Variants in ZBTB25 observed in about 807,000 individuals in gnomAD.
ZBTB25 encodes zinc finger and BTB domain-containing protein 25.
Under a neutral mutation model 34.2 loss-of-function variants are expected in ZBTB25, and 20 were observed. The ratio of observed to expected loss-of-function variants is 0.58; its 90% CI spans 0.41 to 0.85. The LOEUF is 0.85. Among genes scored for constraint, ZBTB25 ranks in the 40% least tolerant of loss-of-function variants. ZBTB25 has a pLI of 0.00. For synonymous variants in ZBTB25, 175 were observed against 186.4 expected, an observed-to-expected ratio of 0.94 and a Z score of 0.50; for missense variants, 437 against 521.8, an observed-to-expected ratio of 0.84 and a Z score of 1.58.
intron 2 of ZBTB25, among the ~76,000 whole-genome samples, chr14:64,464,880 G>A (rs1326958978): frequency 2.6e-5 from 4 of 152,216 alleles, no homozygotes; most frequent in African/African-American, 9.6e-5. Context: ...GCAGGCCAAA[G>A]TTCTGCACCA....
chr14:64,496,439 C>T lies in ZBTB25; in HGVS notation c.-7-5899G>A, dbSNP rs536062923. ...CTGGGAGGAAGAGGTTGCAGTGAGCCGAGATCACACCACTGCATTCCAGCC... is the reference window on the plus strand; with the variant it reads ...CTGGGAGGAAGAGGTTGCAGTGAGCTGAGATCACACCACTGCATTCCAGCC... On this transcript the variant is annotated intron_variant, in intron 1 of 2. Transcript: ENST00000608382. 8.4e-4 allele frequency among the ~76,000 whole-genome samples: 128 copies of T among 151,696 alleles called. 2 individuals are homozygous for T. The South Asian group carries it at 0.022, about 26-fold the overall frequency.
chr14:64,503,004 G>C, intron 1 of ZBTB25: 1 of 985,448 alleles, frequency 1.0e-6, no homozygotes, highest in Non-Finnish European at 1.2e-6. Flanking sequence ...GCTAACTGTT[G>C]AAACATGCTA....
intron 2 of ZBTB25, among the ~76,000 whole-genome samples, chr14:64,455,743 G>T (rs1037171271): frequency 6.6e-6 from 1 of 152,194 alleles, no homozygotes; most frequent in Non-Finnish European, 1.5e-5. Flanking sequence ...AGTTGAAAAC[G>T]TAGGACATTA....
At position 64,459,711 on chromosome 14, in the gene ZBTB25, T is replaced by A. The variant is rs1481944134; in HGVS notation, c.174-10073A>T. 3 of 1,304,694 alleles carry A rather than the reference T, an allele frequency of 2.3e-6. No individual in the cohort carries two copies. In the Admixed American group the frequency reaches 9.3e-5, roughly 40 times the overall value. 80.8% of individuals were successfully genotyped at this position (1,304,694 alleles called of 1,614,324 possible). Reference sequence around the variant, plus strand: ...GCAGTATGGAAGGAACAGGAAACATTTCAGTGCTTGCTTAGAGAAAACATT... The same window carrying A: ...GCAGTATGGAAGGAACAGGAAACATATCAGTGCTTGCTTAGAGAAAACATT... On this transcript the variant is annotated intron_variant, in intron 2 of 2. Coordinates refer to the ZBTB25 transcript ENST00000555220.
Position 64,478,559 on chromosome 14 carries a change from A to C in ZBTB25, c.*8364T>G, listed in dbSNP as rs548966586. 2.6e-5 allele frequency: 4 copies of C among 152,344 alleles called. No individual in the cohort carries two copies. In the East Asian group the frequency reaches 7.7e-4, roughly 29 times the overall value. 9.4% of individuals were successfully genotyped at this position (152,344 alleles called of 1,614,324 possible). On this transcript the variant is annotated 3_prime_UTR_variant, in exon 3 of 3. Coordinates refer to ENST00000608382, the MANE Select transcript of ZBTB25 (RefSeq NM_006977.5). ...AAACTGAGTGTGATGCCTGATTAAA[A>C]GAGCCCAAATTCCAAGGCCTCACAG...
rs778004334 is a variant in ZBTB25 at position 64,490,482 on chromosome 14, G to A, written c.52C>T (p.Arg18Ter). The change falls in exon 2 of 3, where the codon CGA (arginine) becomes TGA (stop). Residue 18 changes from arginine to a stop codon, truncating the protein, a stop_gained. Transcript: ENST00000608382. LOFTEE classifies it high-confidence loss of function. ...CAATCACACAGAAAACCAAATTCTC[G>A]CTGCATGTTCAGCTGCTGGAGAAGA... ...LVLLQQLNMQREFGFLCDCTV... is the reference protein window; with the variant it reads ...LVLLQQLNMQ 39 of 1,613,414 alleles carry A rather than the reference G, an allele frequency of 2.4e-5. No homozygotes were observed. Among genetic ancestry groups the A allele is most frequent in the Non-Finnish European group, 2.9e-5 (34 of 1,179,698 alleles).
chr14:64,449,444 G>T lies in ZBTB25; in HGVS notation c.*107C>A. On this transcript the variant is annotated 3_prime_UTR_variant, in exon 3 of 3. Transcript: ENST00000555220. ...TTTGATATGAAATGCTTCCTTTATAGGACGGATACAGAGTCTGAGCTGGAC... is the reference window on the plus strand; with the variant it reads ...TTTGATATGAAATGCTTCCTTTATATGACGGATACAGAGTCTGAGCTGGAC... 1 of 1,613,014 alleles carries T rather than the reference G, an allele frequency of 6.2e-7. No individual in the cohort carries two copies. Among genetic ancestry groups the T allele is most frequent in the African/African-American group, 1.3e-5 (1 of 75,006 alleles).
chr14:64,503,273 A>C lies in ZBTB25; in HGVS notation c.-8+388T>G, dbSNP rs370989385. 1,642 of 985,434 alleles carry C rather than the reference A, an allele frequency of 1.7e-3. 26 individuals carry two copies. The African/African-American group carries it at 0.026, about 15-fold the overall frequency. The allele number at this position is 985,434 out of a possible 1,614,324, so 61.0% of individuals were successfully genotyped here. A position where few individuals can be genotyped will look rare whatever the true frequency, so the allele number is the denominator to read the frequency against. ...GCCGCAGCGTCCTCCCAGCATCTGG[A>C]AAGTCGCCCGCTCGTAAGAGGGGTC... On this transcript the variant is annotated intron_variant, in intron 1 of 2. Coordinates refer to ENST00000608382, the MANE Select transcript of ZBTB25 (RefSeq NM_006977.5).
intron 2 of ZBTB25, among the ~76,000 whole-genome samples, chr14:64,450,253 A>C (rs1003947247): frequency 3.9e-5 from 6 of 152,232 alleles, no homozygotes; most frequent in Non-Finnish European, 7.3e-5. Context: ...TATGTAATTC[A>C]CTGTAGCCTT....
intron 2 of ZBTB25, chr14:64,469,602 C>T: frequency 1.2e-6 from 2 of 1,613,008 alleles, no homozygotes; most frequent in Non-Finnish European, 1.7e-6. Context: ...GTCAAGAATG[C>T]TATTCAGTTG....
At chr14:64,474,639 T>C (rs1490934938), downstream of ZBTB25, 1 of 158,742 alleles carries the variant, frequency 6.3e-6, no homozygotes, top group East Asian at 1.9e-4. Context: ...GGACAGAGAT[T>C]TTACAACAAC....
downstream of ZBTB25, among the ~76,000 whole-genome samples, chr14:64,475,210 C>T (rs892128097): frequency 6.6e-6 from 1 of 152,092 alleles, no homozygotes; most frequent in Non-Finnish European, 1.5e-5. Context: ...GAGGCCGAGG[C>T]GGGCGGATCA....
rs912340200 is a variant in ZBTB25 at position 64,480,761 on chromosome 14, C to G, written c.*6162G>C. The stretch of plus-strand genomic sequence containing the variant: ...GGTTCAAGCAATTCCTCTGCCTCTG[C>G]CCCCCTAGTAGCTGGGACTGCAGGC... On this transcript the variant is annotated 3_prime_UTR_variant, in exon 3 of 3. Coordinates refer to ENST00000608382, the MANE Select transcript of ZBTB25 (RefSeq NM_006977.5). The G allele has an allele frequency of 6.6e-6, 1 of 151,790 alleles. No individual in the cohort carries two copies. Among genetic ancestry groups the G allele is most frequent in the Non-Finnish European group, 1.5e-5 (1 of 68,240 alleles). 9.4% of individuals were successfully genotyped at this position (151,790 alleles called of 1,614,324 possible).
Position 64,490,538 on chromosome 14 carries a change from G to A in ZBTB25, c.-5C>T. ...GCTATGGCTGGCAGTGTCCATTGTG[G>A]TTCTGAAAAAAAGGACAAGATAAAT... On this transcript the variant is annotated splice_region_variant and 5_prime_UTR_variant, in exon 2 of 3. Coordinates refer to ENST00000608382, the MANE Select transcript of ZBTB25 (RefSeq NM_006977.5). 6.2e-7 allele frequency: 1 copy of A among 1,603,540 alleles called. No individual in the cohort carries two copies. The highest frequency in any genetic ancestry group is 8.5e-7 in the Non-Finnish European group (1 of 1,175,292).
chr14:64,456,134 A>G (rs1431518823), intron 2 of ZBTB25, among the ~76,000 whole-genome samples: 1 of 152,254 alleles, frequency 6.6e-6, no homozygotes, highest in Non-Finnish European at 1.5e-5. Context: ...GGGTAACAGT[A>G]GAGGTGAAAG....
chr14:64,493,330 CACTT>C (rs761887650), intron 1 of ZBTB25, among the ~76,000 whole-genome samples: 1 of 152,168 alleles, frequency 6.6e-6, no homozygotes, highest in African/African-American at 2.4e-5. Context: ...CTTGGCAAGA[CACTT>C]AACTCTCTGG....
In ZBTB25 at chr14:64,486,640, T is replaced by TA. The variant is rs2078868914; in HGVS notation, c.*282dup. The TA allele has an allele frequency of 2.0e-6, 2 of 1,001,466 alleles. No individual in the cohort carries two copies. Among genetic ancestry groups the TA allele is most frequent in the Non-Finnish European group, 2.4e-6 (2 of 818,092 alleles). The allele number at this position is 1,001,466 out of a possible 1,614,324, so 62.0% of individuals were successfully genotyped here. On this transcript the variant is annotated 3_prime_UTR_variant, in exon 3 of 3. Transcript: ENST00000608382. ...CTATAACTGGAAAAACTTAGAATTC[T>TA]ATAAATAACTATTTAAGGTTTCCAT...
At position 64,479,736 on chromosome 14, in the gene ZBTB25, T is replaced by C. The variant is rs1022791713; in HGVS notation, c.*7187A>G. The C allele has an allele frequency of 6.6e-6, 1 of 152,202 alleles. No individual in the cohort carries two copies. The allele number at this position is 152,202 out of a possible 1,614,324, so 9.4% of individuals were successfully genotyped here. On this transcript the variant is annotated 3_prime_UTR_variant, in exon 3 of 3. Coordinates refer to ENST00000608382, the MANE Select transcript of ZBTB25 (RefSeq NM_006977.5). Reference sequence around the variant, plus strand: ...TTCTTGAGTTTCAAGCCTGCCAGCTTTTGGACTGGAACTTATGCCATAAGC... The same window carrying C: ...TTCTTGAGTTTCAAGCCTGCCAGCTCTTGGACTGGAACTTATGCCATAAGC...
intron 2 of ZBTB25, chr14:64,469,469 C>G: frequency 6.2e-7 from 1 of 1,613,156 alleles, no homozygotes; most frequent in Non-Finnish European, 8.5e-7. Context: ...TAAAAATGTC[C>G]CTAAGCAATT....
Sources: allele counts gnomAD v4.1 joint callset (sites outside exome capture counted in the v4.1 genomes callset), GRCh38; gene constraint gnomAD v4.1.1; transcripts MANE v1.5; gene names NCBI Gene and HGNC (gene_info 2026-07-23, HGNC 2026-07-21).